The following ZCCHC14 variants were observed in gnomAD, a reference collection of about 807,000 sequenced individuals.
ZCCHC14 encodes zinc finger CCHC-type containing 14.
Under a neutral mutation model 85.0 loss-of-function variants are expected in ZCCHC14, and 16 were observed. That is an observed-to-expected ratio of 0.19 (90% confidence interval 0.13 to 0.29). The LOEUF (loss-of-function observed/expected upper bound fraction) is 0.29, where lower values mean the gene tolerates loss of function less well. Among genes scored for constraint, ZCCHC14 ranks in the 10% least tolerant of loss-of-function variants. ZCCHC14 has a pLI of 1.00. For missense variants in ZCCHC14, 1,303 were observed against 1,443.5 expected, an observed-to-expected ratio of 0.90 and a Z score of 1.58; for synonymous variants, 775 against 630.7, an observed-to-expected ratio of 1.23 and a Z score of -3.43.
chr16:87,446,655 T>G (rs1465762987), intron 2 of ZCCHC14, among the ~76,000 whole-genome samples: 1 of 152,134 alleles, frequency 6.6e-6, no homozygotes, highest in Non-Finnish European at 1.5e-5. Flanking sequence ...AAAAGTGGCT[T>G]TGCTTTCCTT....
chr16:87,423,674 G>C (rs1909221208), intron 4 of ZCCHC14, 136 bp downstream of exon 4: 1 of 922,658 alleles, frequency 1.1e-6, no homozygotes, highest in Non-Finnish European at 1.7e-6. Context: ...CTCCACTGTG[G>C]CTGGGCAGGA....
rs1256022400 is a variant in ZCCHC14 at position 87,408,112 on chromosome 16, T to C, written c.*2168A>G. On this transcript the variant is annotated 3_prime_UTR_variant, in exon 13 of 13. Coordinates refer to ENST00000671377, the MANE Select transcript of ZCCHC14 (RefSeq NM_015144.3). ...GAATGGCAGGCTCCAAGTTGAAAAG[T>C]TTCTGTTTTAATGTTTTGCTGGATT... The C allele has an allele frequency of 1.3e-5, 2 of 152,622 alleles. No homozygotes were observed. Among genetic ancestry groups the C allele is most frequent in the Non-Finnish European group, 2.9e-5 (2 of 68,052 alleles). 9.5% of individuals were successfully genotyped at this position (152,622 alleles called of 1,614,324 possible).
intron 8 of ZCCHC14, among the ~76,000 whole-genome samples, chr16:87,416,605 T>C (rs113492927): frequency 1.3e-5 from 2 of 151,848 alleles, no homozygotes; most frequent in African/African-American, 4.8e-5. Flanking sequence ...AAATACAAAA[T>C]ATTAGCCAGG....
At chr16:87,452,156 A>C (rs1490231170) in intron 2 of ZCCHC14, among the ~76,000 whole-genome samples, 1 of 152,218 alleles carries the variant, frequency 6.6e-6, no homozygotes, top group African/African-American at 2.4e-5. Context: ...GATAAGATGG[A>C]GGCCTAGATG....
Position 87,419,727 on chromosome 16 carries a change from C to T in ZCCHC14, c.1045+56G>A. Reference sequence around the variant, plus strand: ...CTGGGATTACAAGCATGAGCCACTGCGCCCAGCTGTTTTTTTTTTTTTTAA... The same window carrying T: ...CTGGGATTACAAGCATGAGCCACTGTGCCCAGCTGTTTTTTTTTTTTTTAA... On this transcript the variant is annotated intron_variant, in intron 6 of 12. Coordinates refer to ENST00000671377, the MANE Select transcript of ZCCHC14 (RefSeq NM_015144.3). The T allele has an allele frequency of 2.9e-5, 41 of 1,417,082 alleles. No individual in the cohort carries two copies. The South Asian group carries it at 4.3e-4, about 15-fold the overall frequency. 87.8% of individuals were successfully genotyped at this position (1,417,082 alleles called of 1,614,324 possible). A position where few individuals can be genotyped will look rare whatever the true frequency, so the allele number is the denominator to read the frequency against.
At chr16:87,453,102 C>T (rs1276402673) in intron 2 of ZCCHC14, among the ~76,000 whole-genome samples, 1 of 152,222 alleles carries the variant, frequency 6.6e-6, no homozygotes, top group Non-Finnish European at 1.5e-5. Flanking sequence ...GAAGATGGAA[C>T]GCTGACCTGT....
At chr16:87,435,130 C>G (rs1909857343) in intron 2 of ZCCHC14, among the ~76,000 whole-genome samples, 1 of 152,088 alleles carries the variant, frequency 6.6e-6, no homozygotes, top group African/African-American at 2.4e-5. Flanking sequence ...AAACGATTCC[C>G]CACATTTTTT....
At chr16:87,459,911 A>T in intron 2 of ZCCHC14, 97 bp downstream of exon 2, 1 of 1,533,228 alleles carries the variant, frequency 6.5e-7, no homozygotes, top group Non-Finnish European at 8.8e-7. Context: ...GCATTTATGA[A>T]AGATCTGAAA....
chr16:87,460,267 C>G (rs1258288689), intron 1 of ZCCHC14, 136 bp from the exon 2 acceptor site: 13 of 1,194,296 alleles, frequency 1.1e-5, no homozygotes, highest in Middle Eastern at 2.3e-4. Context: ...TAATAATAAG[C>G]CTTCCCCAAG....
intron 2 of ZCCHC14, 85 bp downstream of exon 2, chr16:87,459,923 C>T: frequency 1.3e-6 from 2 of 1,576,398 alleles, no homozygotes; most frequent in Non-Finnish European, 1.7e-6. Flanking sequence ...GATCTGAAAG[C>T]ATTTAACAAT....
At chr16:87,419,658 A>C in intron 6 of ZCCHC14, 125 bp downstream of exon 6, 1 of 693,314 alleles carries the variant, frequency 1.4e-6, no homozygotes, top group Non-Finnish European at 2.2e-6. Flanking sequence ...CTGGTCTTGA[A>C]CTCCCAACCT....
intron 1 of ZCCHC14, among the ~76,000 whole-genome samples, chr16:87,465,047 A>G (rs1013431496): frequency 6.6e-6 from 1 of 152,140 alleles, no homozygotes; most frequent in South Asian, 2.1e-4. Flanking sequence ...CCTGGCATCC[A>G]GTCCTCCCCC....
At chr16:87,478,811 T>C (rs1912139436) in intron 1 of ZCCHC14, among the ~76,000 whole-genome samples, 1 of 152,012 alleles carries the variant, frequency 6.6e-6, no homozygotes, top group South Asian at 2.1e-4. Context: ...TTTACCATAT[T>C]GGTCAGGCTG....
rs772831223 is a variant in ZCCHC14 at position 87,433,019 on chromosome 16, C to T, written c.768+109G>A. On this transcript the variant is annotated intron_variant, in intron 3 of 12. Coordinates refer to ENST00000671377, the MANE Select transcript of ZCCHC14 (RefSeq NM_015144.3). ...GCCAGCTTCCTATACAGCACTGGCA[C>T]GGGGCTTTGCACAAGGCACAGCCTT... is the stretch of plus-strand genomic sequence containing the variant. 62 of 1,195,816 alleles carry T rather than the reference C, an allele frequency of 5.2e-5. 1 individual carries two copies. The highest frequency in any genetic ancestry group is 3.6e-4 in the Admixed American group (17 of 47,462). 74.1% of individuals were successfully genotyped at this position (1,195,816 alleles called of 1,614,324 possible).
At chr16:87,454,422 C>A (rs748713362) in intron 2 of ZCCHC14, among the ~76,000 whole-genome samples, 2 of 152,130 alleles carry the variant, frequency 1.3e-5, no homozygotes, top group Admixed American at 6.5e-5. Flanking sequence ...CGGCATACAG[C>A]GACAGAAATG....
At chr16:87,418,004 C>T in intron 7 of ZCCHC14, 1 of 481,080 alleles carries the variant, frequency 2.1e-6, no homozygotes. Flanking sequence ...ACACACATGC[C>T]TCTGCCCGTG....
At chr16:87,458,221 G>A (rs4075226) in intron 2 of ZCCHC14, among the ~76,000 whole-genome samples, 24,065 of 152,156 alleles carry the variant, frequency 0.16, 2,797 homozygotes, top group South Asian at 0.58. Flanking sequence ...GACTGTCTGG[G>A]GACAAAGGAA....
chr16:87,464,733 G>A (rs1272289016), intron 1 of ZCCHC14, among the ~76,000 whole-genome samples: 4 of 152,120 alleles, frequency 2.6e-5, no homozygotes, highest in African/African-American at 7.2e-5. Context: ...AGCCTTTATC[G>A]TAACTTTGTT....
At chr16:87,415,229 C>A (rs764196440) in intron 9 of ZCCHC14, 47 bp downstream of exon 9, 2 of 1,579,352 alleles carry the variant, frequency 1.3e-6, no homozygotes, top group Non-Finnish European at 8.7e-7. Flanking sequence ...ATTCGGCACA[C>A]GAGAAATGGA....
Sources: gnomAD v4.1 joint callset for allele counts (sites outside exome capture counted in the v4.1 genomes callset) on GRCh38, gnomAD v4.1.1 for gene constraint, MANE v1.5 for transcripts, NCBI Gene and HGNC (gene_info 2026-07-23, HGNC 2026-07-21) for gene names.